THBS4: variants seen among roughly 807,000 people sequenced by gnomAD.
THBS4 encodes the protein thrombospondin 4, also known as thrombospondin-4.
THBS4 carries 90 observed loss-of-function variants against 115.7 expected under a neutral mutation model. The ratio of observed to expected loss-of-function variants is 0.78; its 90% confidence interval spans 0.66 to 0.93. The LOEUF (loss-of-function observed/expected upper bound fraction) is 0.93, where lower values mean the gene tolerates loss of function less well. Among genes scored for constraint, THBS4 ranks in the 40% least tolerant of loss-of-function variants. The probability of loss-of-function intolerance (pLI) is 0.00; values close to 1 mark genes in which losing one functional copy is unlikely to be tolerated. For synonymous variants in THBS4, 460 were observed against 479.3 expected (o/e 0.96, Z 0.53); for missense variants, 1,087 against 1,232.7 (o/e 0.88, Z 1.77).
chr5:80,031,827 C>T (rs1311031764), upstream of THBS4, among the ~76,000 whole-genome samples: 1 of 152,142 alleles, frequency 6.6e-6, no homozygotes, highest in African/African-American at 2.4e-5. Flanking sequence ...AAGATGTGTA[C>T]ACAGAAGAGC....
In THBS4 at chr5:80,076,891, C is replaced by T; in HGVS notation, c.1929C>T (p.Cys643=). ...GGCACCAGGACAGCACAGACAACTG[C>T]CCCACCGTCATTAACAGTGCCCAGC... ...GDGHQDSTDN[C]PTVINSAQLD... The change falls in exon 16 of 22, where the codon TGC becomes TGT. Residue 643 remains cysteine, a synonymous_variant. Coordinates refer to ENST00000350881, the MANE Select transcript of THBS4 (RefSeq NM_003248.6). The T allele has an allele frequency of 6.2e-7, 1 of 1,609,006 alleles. No individual in the cohort carries two copies. The highest frequency in any genetic ancestry group is 8.5e-7 in the Non-Finnish European group (1 of 1,177,206).
intron 7 of THBS4, among the ~76,000 whole-genome samples, chr5:80,060,875 C>T (rs1833609272): frequency 6.6e-6 from 1 of 152,210 alleles, no homozygotes; most frequent in African/African-American, 2.4e-5. Flanking sequence ...TCCCACCCAG[C>T]CCAAGGAAGG....
intron 2 of THBS4, among the ~76,000 whole-genome samples, chr5:80,015,961 T>C (rs911186919): frequency 3.3e-5 from 5 of 152,208 alleles, no homozygotes; most frequent in Non-Finnish European, 7.3e-5. Flanking sequence ...ACAAGGGTGA[T>C]GTTTAATGGG....
intron 4 of THBS4, 72 bp downstream of exon 4, chr5:80,058,386 A>G: frequency 8.6e-7 from 1 of 1,164,936 alleles, no homozygotes; most frequent in African/African-American, 1.5e-5. Flanking sequence ...GCTGGGTCCC[A>G]TCACCGAAAA....
At chr5:80,028,241 C>T (rs1439929289) in intron 2 of THBS4, among the ~76,000 whole-genome samples, 1 of 152,070 alleles carries the variant, frequency 6.6e-6, no homozygotes, top group Non-Finnish European at 1.5e-5. Flanking sequence ...CCCTTACCAT[C>T]TCCACTTCCT....
chr5:79,993,261 T>C (rs944623006), intron 1 of THBS4, among the ~76,000 whole-genome samples: 2 of 152,252 alleles, frequency 1.3e-5, no homozygotes, highest in Admixed American at 6.5e-5. Flanking sequence ...CACACAGGTT[T>C]ATTAGTGCAT....
chr5:80,022,904 C>T (rs955352011), intron 2 of THBS4, among the ~76,000 whole-genome samples: 4 of 152,148 alleles, frequency 2.6e-5, no homozygotes, highest in African/African-American at 7.2e-5. Context: ...TTGGGATCCT[C>T]GGGATTAGAC....
chr5:80,014,152 A>T (rs762119175), intron 2 of THBS4, among the ~76,000 whole-genome samples: 2 of 152,166 alleles, frequency 1.3e-5, no homozygotes, highest in Non-Finnish European at 2.9e-5. Flanking sequence ...TGATACCACC[A>T]CCACCACTTC....
intron 8 of THBS4, among the ~76,000 whole-genome samples, chr5:80,062,598 A>G (rs952812308): frequency 6.6e-6 from 1 of 152,170 alleles, no homozygotes; most frequent in Non-Finnish European, 1.5e-5. Context: ...GGTTTGTTAC[A>G]TATGTATACA....
intron 2 of THBS4, among the ~76,000 whole-genome samples, chr5:80,024,868 C>T (rs1301757284): frequency 2.0e-5 from 3 of 152,202 alleles, no homozygotes; most frequent in Non-Finnish European, 4.4e-5. Context: ...CATTCACTCT[C>T]CCTAAGGCAG....
upstream of THBS4, chr5:80,033,400 CAG>C (rs1392565508): frequency 6.2e-6 from 1 of 160,616 alleles, no homozygotes; most frequent in African/African-American, 2.4e-5. Context: ...AGATGTCAAA[CAG>C]AAGAGTGAGG....
chr5:80,047,241 C>T (rs1045987400), intron 2 of THBS4, among the ~76,000 whole-genome samples: 3 of 152,178 alleles, frequency 2.0e-5, no homozygotes, highest in African/African-American at 4.8e-5. Context: ...AGCTAAGAGT[C>T]CCACTGTACT....
intron 1 of THBS4, among the ~76,000 whole-genome samples, chr5:80,038,278 T>C (rs1253417138): frequency 1.3e-5 from 2 of 152,206 alleles, no homozygotes; most frequent in Admixed American, 1.3e-4. Flanking sequence ...TATTTTTCTA[T>C]GCAAAAATAT....
At chr5:80,061,939 A>G in intron 8 of THBS4, 107 bp downstream of exon 8, 1 of 1,228,546 alleles carries the variant, frequency 8.1e-7, no homozygotes, top group South Asian at 2.0e-5. Flanking sequence ...AGTCAAGGCC[A>G]TGTGGAATGT....
chr5:80,063,832 T>C (rs1833720463), intron 8 of THBS4, among the ~76,000 whole-genome samples: 1 of 152,242 alleles, frequency 6.6e-6, no homozygotes. Flanking sequence ...ACAGCAAATG[T>C]TACTGCATTC....
chr5:80,068,134 T>C lies in THBS4; in HGVS notation c.1347+9T>C, dbSNP rs776386277. ...GGGATGTGACATGTGTGGTAAGTTG[T>C]TTTTTGACTTCCTCTATCATTTTTC... On this transcript the variant is annotated intron_variant, in intron 10 of 21. Coordinates refer to ENST00000350881, the MANE Select transcript of THBS4 (RefSeq NM_003248.6). 3.1e-6 allele frequency: 5 copies of C among 1,612,678 alleles called. No homozygotes were observed. The African/African-American group carries it at 4.0e-5, about 13-fold the overall frequency.
At position 80,047,874 on chromosome 5, in the gene THBS4, T is replaced by G. The variant is rs1833124738; in HGVS notation, c.292+7594T>G. On this transcript the variant is annotated intron_variant, in intron 2 of 21. Coordinates refer to ENST00000350881, the MANE Select transcript of THBS4 (RefSeq NM_003248.6). ...GTTGGCCAGGCTGGTCTCAAACTCC[T>G]GACCACGTGATCCACCCACCTCGGC... Among the ~76,000 whole-genome samples, 3 of 151,760 alleles carry G rather than the reference T, an allele frequency of 2.0e-5. No homozygotes were observed. In the South Asian group the frequency reaches 6.3e-4, roughly 32 times the overall value.
At chr5:80,078,455 C>T in intron 17 of THBS4, among the ~76,000 whole-genome samples, 1 of 152,202 alleles carries the variant, frequency 6.6e-6, no homozygotes, top group East Asian at 1.9e-4. Context: ...GATGGTAGCA[C>T]TGTGGTAAGT....
At position 80,079,156 on chromosome 5, in the gene THBS4, A is replaced by C. The variant is rs1306722695; in HGVS notation, c.2409A>C (p.Gln803His). 6.2e-6 allele frequency: 10 copies of C among 1,614,212 alleles called. No homozygotes were observed. In the East Asian group the frequency reaches 2.2e-4, roughly 36 times the overall value. The change falls in exon 19 of 22, where the codon CAA becomes CAC. Residue 803 changes from glutamine to histidine, a missense_variant. Around this residue, in one of 3 missense-constraint regions of THBS4, gnomAD observed 979 missense variants for 1,103.7 expected, o/e 0.89. Transcript: ENST00000350881. ...ATGCAGGCTTTATCTTTGGCTACCA[A>C]GATAGCTCCAGCTTCTACGTGGTCA... ...DDYAGFIFGY[Q>H]DSSSFYVVMW...
Sources: gnomAD v4.1 joint callset for allele counts (sites outside exome capture counted in the v4.1 genomes callset) on GRCh38, gnomAD v4.1.1 for gene constraint, gnomAD v4.1.1 regional missense constraint, MANE v1.5 for transcripts, NCBI Gene and HGNC (gene_info 2026-07-23, HGNC 2026-07-21) for gene names.